Variants in GSE1 observed in about 807,000 individuals in gnomAD.
GSE1 encodes the protein Gse1 coiled-coil protein.
GSE1 carries 32 observed loss-of-function variants against 112.6 expected under a neutral mutation model. The ratio of observed to expected loss-of-function variants is 0.28; its 90% CI spans 0.21 to 0.38. GSE1 has a LOEUF of 0.38. Ranked by LOEUF, GSE1 falls within the 10% of genes least tolerant of loss-of-function variation. The pLI, the probability that GSE1 is intolerant of heterozygous loss-of-function variation, is 1.00. For synonymous variants in GSE1, 1,115 were observed against 735.6 expected, an observed-to-expected ratio of 1.52 and a Z score of -8.35; for missense variants, 2,348 against 1,699.2, an observed-to-expected ratio of 1.38 and a Z score of -6.71.
At chr16:85,622,710 G>A (rs761241736) in intron 1 of GSE1, among the ~76,000 whole-genome samples, 2 of 152,180 alleles carry the variant, frequency 1.3e-5, no homozygotes, top group Non-Finnish European at 2.9e-5. Context: ...AGCTTGCTTT[G>A]ATTCAGGGGA....
At chr16:85,608,762 CTCT>C (rs1481233573), upstream of GSE1, among the ~76,000 whole-genome samples, 2 of 152,236 alleles carry the variant, frequency 1.3e-5, no homozygotes. Context: ...GCAGCGCTGG[CTCT>C]TGTTAGGTGC....
At chr16:85,377,331 G>T (rs1434538262) in intron 2 of GSE1, among the ~76,000 whole-genome samples, 4 of 152,190 alleles carry the variant, frequency 2.6e-5, no homozygotes, top group Admixed American at 6.5e-5. Context: ...GGTCTGGCCT[G>T]TTCTCCCCCT....
At chr16:85,182,400 G>A (rs1482851395) in intron 1 of GSE1, among the ~76,000 whole-genome samples, 1 of 152,220 alleles carries the variant, frequency 6.6e-6, no homozygotes, top group East Asian at 1.9e-4. Context: ...TGAGCCCCAT[G>A]GTGAAAGGCA....
rs560249915 is a variant in GSE1, at chr16:85,193,615, A to T, written c.2283+21808A>T. ...GCTGGGATTACAGGCACCCGCCACC[A>T]TGCCTGACTAATTTTTGTATTTTTA... On this transcript the variant is annotated intron_variant, in intron 1 of 2. Coordinates refer to the GSE1 transcript ENST00000637419. Among the ~76,000 whole-genome samples, 158 of 152,092 alleles carry T rather than the reference A, an allele frequency of 1.0e-3. 2 individuals are homozygous for T. Among genetic ancestry groups the T allele is most frequent in the Non-Finnish European group, 1.2e-3 (83 of 67,982 alleles).
At chr16:85,299,694 A>G (rs1224042721) in intron 1 of GSE1, among the ~76,000 whole-genome samples, 1 of 152,244 alleles carries the variant, frequency 6.6e-6, no homozygotes, top group African/African-American at 2.4e-5. Context: ...TTGGAAGGTC[A>G]AGGCAGCAAG....
At chr16:85,303,275 G>A (rs1277901488) in intron 1 of GSE1, among the ~76,000 whole-genome samples, 1 of 152,232 alleles carries the variant, frequency 6.6e-6, no homozygotes, top group African/African-American at 2.4e-5. Flanking sequence ...CCTATCTGGG[G>A]CTCCAGGATA....
At chr16:85,615,420 C>G (rs1168268918) in intron 1 of GSE1, among the ~76,000 whole-genome samples, 1 of 152,174 alleles carries the variant, frequency 6.6e-6, no homozygotes, top group East Asian at 1.9e-4. Flanking sequence ...GGGCCGGGTG[C>G]GAGGATGGCT....
chr16:85,567,125 G>A (rs2045790303), intron 1 of GSE1, among the ~76,000 whole-genome samples: 1 of 147,886 alleles, frequency 6.8e-6, no homozygotes. Context: ...TCAACCGCCT[G>A]TGCTGTCTTT....
At chr16:85,450,579 G>A (rs1043084644) in intron 2 of GSE1, among the ~76,000 whole-genome samples, 1 of 151,886 alleles carries the variant, frequency 6.6e-6, no homozygotes, top group Non-Finnish European at 1.5e-5. Context: ...CTCCCAAGTA[G>A]CTGGGATTAC....
At chr16:85,245,450 CCAT>C (rs2143964946) in intron 1 of GSE1, among the ~76,000 whole-genome samples, 1 of 152,230 alleles carries the variant, frequency 6.6e-6, no homozygotes, top group East Asian at 1.9e-4. Context: ...TGACACATAC[CCAT>C]TCATGTGTCC....
At position 85,657,609 on chromosome 16, in the gene GSE1, G is replaced by C; in HGVS notation, c.1640+5G>C. 2 of 1,505,760 alleles carry C rather than the reference G, an allele frequency of 1.3e-6. No homozygotes were observed. The highest frequency in any genetic ancestry group is 1.8e-6 in the Non-Finnish European group (2 of 1,127,552). 93.3% of individuals were successfully genotyped at this position (1,505,760 alleles called of 1,614,324 possible). ...CAGGCCGGAGAGCACCACCAGGTGA[G>C]TGAGCCCCAGGAAGGAAGGAGGGAT... On this transcript the variant is annotated splice_donor_5th_base_variant and intron_variant, in intron 8 of 15. Transcript: ENST00000253458.
intron 2 of GSE1, among the ~76,000 whole-genome samples, chr16:85,545,883 C>T (rs939558892): frequency 2.0e-5 from 3 of 147,084 alleles, no homozygotes; most frequent in Admixed American, 6.7e-5. Flanking sequence ...CCCGGGTTCA[C>T]GCCATTCTTC....
chr16:85,587,149 G>T (rs1383312054), intron 1 of GSE1, among the ~76,000 whole-genome samples: 1 of 149,444 alleles, frequency 6.7e-6, no homozygotes, highest in East Asian at 2.0e-4. Context: ...CAGTGTGGGC[G>T]CTCTGGTCTG....
chr16:85,170,111 A>C (rs2074334507), exon 1 of GSE1: 7 of 984,972 alleles, frequency 7.1e-6, no homozygotes, highest in Non-Finnish European at 8.4e-6. Flanking sequence ...GCCAGCCCCC[A>C]CCAGGACGGG....
chr16:85,494,670 C>T (rs994891797), intron 2 of GSE1, among the ~76,000 whole-genome samples: 4 of 152,178 alleles, frequency 2.6e-5, no homozygotes, highest in African/African-American at 9.6e-5. Context: ...TCCCAAAGTG[C>T]TGGGACTGCA....
At chr16:85,615,083 C>T (rs1235118780) in intron 1 of GSE1, among the ~76,000 whole-genome samples, 1 of 152,236 alleles carries the variant, frequency 6.6e-6, no homozygotes, top group African/African-American at 2.4e-5. Context: ...GCAGCCTTCC[C>T]TGGCCTCCCT....
exon 1 of GSE1, chr16:85,169,968 C>CGGCGACGACGACGAG (rs1486011438): frequency 2.0e-6 from 2 of 984,598 alleles, no homozygotes; most frequent in Non-Finnish European, 2.4e-6. Context: ...GCAGCGCCAC[C>CGGCGACGACGACGAG]GGCGACGACG....
At chr16:85,652,623 G>T (rs774709289) in intron 3 of GSE1, among the ~76,000 whole-genome samples, 1 of 152,152 alleles carries the variant, frequency 6.6e-6, no homozygotes, top group Non-Finnish European at 1.5e-5. Flanking sequence ...GGGAGGCGCC[G>T]GCCCGGGCTG....
intron 2 of GSE1, among the ~76,000 whole-genome samples, chr16:85,496,900 G>GTTTTTTTTTTTTTTTTTT (rs68076025): frequency 6.8e-6 from 1 of 147,056 alleles, no homozygotes; most frequent in African/African-American, 2.5e-5. Context: ...CTGGGTCTTT[G>GTTTTTTTTTTTTTTTTTT]TTGTTTTTTT....
Sources: allele counts gnomAD v4.1 joint callset (sites outside exome capture counted in the v4.1 genomes callset), GRCh38; gene constraint gnomAD v4.1.1; transcripts MANE v1.5; gene names NCBI Gene and HGNC (gene_info 2026-07-23, HGNC 2026-07-21).